Variants in SEC24D observed in about 807,000 individuals in gnomAD.
SEC24D encodes the protein SEC24 homolog D, COPII component, also known as protein transport protein Sec24D.
In SEC24D, 69 loss-of-function variants were observed where a neutral mutation model predicts 116.9. That is an observed-to-expected ratio of 0.59 (90% CI 0.49 to 0.72). The LOEUF is 0.72. Among genes scored for constraint, SEC24D ranks in the 30% least tolerant of loss-of-function variants. The probability of loss-of-function intolerance (pLI) is 0.00; values close to 1 mark genes in which losing one functional copy is unlikely to be tolerated. For missense variants in SEC24D, 1,131 were observed against 1,264.1 expected (o/e 0.89, Z 1.60); for synonymous variants, 405 against 442.8 (o/e 0.91, Z 1.07).
At chr4:118,825,991 CAG>C (rs1730577110) in intron 2 of SEC24D, among the ~76,000 whole-genome samples, 1 of 151,826 alleles carries the variant, frequency 6.6e-6, no homozygotes, top group South Asian at 2.1e-4. Context: ...AGAATGCTTT[CAG>C]ATGTTTGCAT....
intron 19 of SEC24D, among the ~76,000 whole-genome samples, chr4:118,737,259 G>C (rs1220955370): frequency 6.6e-6 from 1 of 152,182 alleles, no homozygotes. Context: ...CAAATCTTCT[G>C]AATAATAAAG....
chr4:118,761,277 T>G (rs1399151960), intron 10 of SEC24D, among the ~76,000 whole-genome samples: 7 of 152,182 alleles, frequency 4.6e-5, no homozygotes, highest in Admixed American at 3.9e-4. Flanking sequence ...ACTGAGTGAA[T>G]GAATGCATGG....
At chr4:118,816,822 A>T (rs1214537450) in intron 4 of SEC24D, 1 of 455,924 alleles carries the variant, frequency 2.2e-6, no homozygotes, top group South Asian at 1.6e-5. Flanking sequence ...TCTGCCTCAC[A>T]ACATCTGAGC....
chr4:118,817,757 A>G (rs1175913251), intron 3 of SEC24D, among the ~76,000 whole-genome samples: 3 of 152,166 alleles, frequency 2.0e-5, no homozygotes, highest in African/African-American at 7.2e-5. Context: ...AAAACAATAC[A>G]GCCAGGAGCA....
In SEC24D at chr4:118,723,311, AT is replaced by A. The variant is rs1328446944; in HGVS notation, c.*203del. On this transcript the variant is annotated 3_prime_UTR_variant, in exon 23 of 23. Transcript: ENST00000280551. Reference sequence around the variant, plus strand: ...TTAGAAACTGTGCAATCAGAAACAGATTGTTCCCTTTATGGTACAATTGTAC... The same window carrying A: ...TTAGAAACTGTGCAATCAGAAACAGATGTTCCCTTTATGGTACAATTGTAC... The A allele has an allele frequency of 1.0e-5, 5 of 479,616 alleles. No homozygotes were observed. Among genetic ancestry groups the A allele is most frequent in the Non-Finnish European group, 1.8e-5 (5 of 275,872 alleles). The allele number at this position is 479,616 out of a possible 1,614,324, so 29.7% of individuals were successfully genotyped here.
At chr4:118,762,578 C>G (rs1479615774) in intron 10 of SEC24D, among the ~76,000 whole-genome samples, 1 of 152,152 alleles carries the variant, frequency 6.6e-6, no homozygotes, top group African/African-American at 2.4e-5. Flanking sequence ...TGTAATTCCT[C>G]TTTCCAAGTG....
In SEC24D at chr4:118,752,053, A is replaced by G; in HGVS notation, c.1650T>C (p.Ser550=). 1 of 1,613,232 alleles carries G rather than the reference A, an allele frequency of 6.2e-7. No homozygotes were observed. Among genetic ancestry groups the G allele is most frequent in the Non-Finnish European group, 8.5e-7 (1 of 1,179,426 alleles). ...LDQIPDMFAD[S]NENETVFAPV... ...GAGCAAAGACAGTCTCATTTTCATT[A>G]GAGTCTGCAAACATGTCTGGAATCT... Residue 550 remains serine (S), a synonymous_variant, in exon 13 of 23, where the codon TCT becomes TCC. Coordinates refer to ENST00000280551, the MANE Select transcript of SEC24D (RefSeq NM_014822.4).
chr4:118,725,081 T>C (rs1289306436), intron 22 of SEC24D, among the ~76,000 whole-genome samples: 2 of 79,336 alleles, frequency 2.5e-5, no homozygotes, highest in East Asian at 5.8e-4. Context: ...CTTTATAACG[T>C]TTCGGCCTGG....
chr4:118,780,313 T>C (rs1158786176), intron 8 of SEC24D, among the ~76,000 whole-genome samples: 2 of 152,226 alleles, frequency 1.3e-5, no homozygotes, highest in African/African-American at 4.8e-5. Flanking sequence ...TTTGTTCTCA[T>C]TGGTTTCAAA....
At chr4:118,790,081 T>C (rs1728830743) in intron 8 of SEC24D, among the ~76,000 whole-genome samples, 1 of 152,214 alleles carries the variant, frequency 6.6e-6, no homozygotes, top group Non-Finnish European at 1.5e-5. Flanking sequence ...CTTGTTTTTC[T>C]TGTTTTCCAA....
At chr4:118,829,741 G>A (rs958003268) in intron 2 of SEC24D, among the ~76,000 whole-genome samples, 2 of 152,132 alleles carry the variant, frequency 1.3e-5, no homozygotes, top group African/African-American at 4.8e-5. Flanking sequence ...GAACCTGGGA[G>A]GCGGAGGTTG....
rs1726902631 is a variant in SEC24D, at chr4:118,752,759, G to A, written c.1551C>T (p.Val517=). ...QMMVVTDVGE[V]FVPLLDGFLV... ...GGAAACCATCCAACAAAGGAACAAA[G>A]ACTTCTCCAACATCAGTCACCACCA... Residue 517 remains valine (V), a synonymous_variant, in exon 12 of 23, where the codon GTC becomes GTT. Coordinates refer to ENST00000280551, the MANE Select transcript of SEC24D (RefSeq NM_014822.4). 1 of 1,611,980 alleles carries A rather than the reference G, an allele frequency of 6.2e-7. No homozygotes were observed. The highest frequency in any genetic ancestry group is 8.5e-7 in the Non-Finnish European group (1 of 1,179,254).
At chr4:118,768,393 A>AAT in intron 8 of SEC24D, 82 bp from the exon 9 acceptor site, 55 of 710,922 alleles carry the variant, frequency 7.7e-5, no homozygotes, top group Non-Finnish European at 1.0e-4. Flanking sequence ...TTTTAATGGC[A>AAT]CTTTTTTTTT....
intron 7 of SEC24D, among the ~76,000 whole-genome samples, chr4:118,799,040 T>C (rs891835289): frequency 6.6e-6 from 1 of 152,212 alleles, no homozygotes; most frequent in Admixed American, 6.5e-5. Context: ...TGCTGTAATG[T>C]AGGTTCCTCT....
chr4:118,778,426 G>T (rs1728247605), intron 8 of SEC24D, among the ~76,000 whole-genome samples: 1 of 152,116 alleles, frequency 6.6e-6, no homozygotes, highest in African/African-American at 2.4e-5. Flanking sequence ...TAGATGTGTG[G>T]TGTTATTTCT....
intron 8 of SEC24D, among the ~76,000 whole-genome samples, chr4:118,792,554 T>G (rs1275751223): frequency 1.3e-5 from 2 of 152,196 alleles, no homozygotes; most frequent in Non-Finnish European, 2.9e-5. Context: ...TAAGAAAAAT[T>G]CTTCTGCCTT....
intron 7 of SEC24D, among the ~76,000 whole-genome samples, chr4:118,801,088 C>T (rs1484096491): frequency 1.3e-5 from 2 of 151,964 alleles, no homozygotes; most frequent in African/African-American, 2.4e-5. Flanking sequence ...GGTGAAACCC[C>T]GTCTCTATTA....
chr4:118,741,494 C>T (rs377423844), intron 15 of SEC24D, among the ~76,000 whole-genome samples: 6 of 152,310 alleles, frequency 3.9e-5, no homozygotes, highest in African/African-American at 1.4e-4. Context: ...CTGTTAACTA[C>T]TCTACGATCA....
intron 7 of SEC24D, among the ~76,000 whole-genome samples, chr4:118,800,257 T>G (rs1729375665): frequency 6.6e-6 from 1 of 151,340 alleles, no homozygotes; most frequent in Non-Finnish European, 1.5e-5. Context: ...CTAAGGAGAG[T>G]GGAAAAGTGA....
Sources: allele counts gnomAD v4.1 joint callset (sites outside exome capture counted in the v4.1 genomes callset), GRCh38; gene constraint gnomAD v4.1.1; transcripts MANE v1.5; gene names NCBI Gene and HGNC (gene_info 2026-07-23, HGNC 2026-07-21).